The following HECW1 variants were observed in gnomAD, a reference collection of about 807,000 sequenced individuals.
HECW1 encodes E3 ubiquitin-protein ligase HECW1.
A neutral mutation model predicts 182.3 loss-of-function variants in HECW1; 61 were observed. That is an observed-to-expected ratio of 0.33 (90% CI 0.27 to 0.41). The LOEUF (loss-of-function observed/expected upper bound fraction) is 0.41. Ranked by LOEUF, HECW1 falls within the 10% of genes least tolerant of loss-of-function variation. The pLI is 1.00. For synonymous variants in HECW1, 859 were observed against 832.6 expected (o/e 1.03, Z -0.55); for missense variants, 1,739 against 2,108.9 (o/e 0.82, Z 3.44).
At chr7:43,153,614 G>A (rs1001716229) in intron 2 of HECW1, among the ~76,000 whole-genome samples, 7 of 152,214 alleles carry the variant, frequency 4.6e-5, no homozygotes, top group African/African-American at 1.7e-4. Flanking sequence ...AGACTTTGAA[G>A]AGGCTTTGAA....
At chr7:43,376,110 AC>A (rs1384038909) in intron 6 of HECW1, among the ~76,000 whole-genome samples, 3 of 151,172 alleles carry the variant, frequency 2.0e-5, no homozygotes, top group African/African-American at 7.3e-5. Context: ...AACCCAATAA[AC>A]CAAACATATA....
chr7:43,219,642 AACAG>A (rs1796776738), intron 2 of HECW1, among the ~76,000 whole-genome samples: 1 of 150,800 alleles, frequency 6.6e-6, no homozygotes. Context: ...ATTAGAATAG[AACAG>A]AACAGAACAG....
At position 43,444,711 on chromosome 7, in the gene HECW1, T is replaced by C. The variant is rs73098706; in HGVS notation, c.1539T>C (p.Ser513=). 0.38 allele frequency: 608,645 copies of C among 1,608,696 alleles called. 117,712 individuals are homozygous for C. The highest frequency in any genetic ancestry group is 0.44 in the South Asian group (39,460 of 90,606). ...AGCAGGAGGAGGAGGGAGATGTGTC[T>C]ACCCTGGAGCAGGGAGAGGGCAGGC... ...EKEQEEEGDV[S]TLEQGEGRLQ... is the part of the protein sequence containing the mutation. Residue 513 remains serine (S), a synonymous_variant, in exon 11 of 30, where the codon TCT becomes TCC. Transcript: ENST00000395891. This position sits in a 1 kb window ranked among gnomAD's most constrained non-coding sequence, Gnocchi z 4.3.
chr7:43,456,393 C>T lies in HECW1; in HGVS notation c.2597C>T (p.Pro866Leu), dbSNP rs201757499. The change falls in exon 13 of 30, where the codon CCG (proline) becomes CTG (leucine). Residue 866 changes from proline to leucine, a missense_variant. Physicochemically the swap from Pro to Leu is moderately conservative, Grantham distance 98. Around this residue, in one of 5 missense-constraint regions of HECW1, gnomAD observed 971 missense variants for 1,029.1 expected, o/e 0.94. Transcript: ENST00000395891. ...TWQRPTAAAT[P>L]DGMRRSGSIQ... ...CAGCGTCCGACGGCAGCAGCCACCC[C>T]GGATGGCATGCGGAGATCGGGGTCC... The T allele has an allele frequency of 1.6e-3, 2,512 of 1,614,102 alleles. 6 individuals carry two copies. Among genetic ancestry groups the T allele is most frequent in the East Asian group, 3.8e-3 (170 of 44,886 alleles).
intron 5 of HECW1, among the ~76,000 whole-genome samples, chr7:43,341,466 C>T (rs1247889617): frequency 6.6e-6 from 1 of 151,664 alleles, no homozygotes; most frequent in African/African-American, 2.4e-5. Context: ...AAGTAATATA[C>T]AGTTACTCAT....
chr7:43,445,685 C>T, intron 11 of HECW1, 115 bp downstream of exon 11: 1 of 1,256,928 alleles, frequency 8.0e-7, no homozygotes, highest in Non-Finnish European at 1.1e-6. Flanking sequence ...GTTGCTGGGG[C>T]AATGTATGCC....
chr7:43,248,383 C>T (rs1584166127), intron 3 of HECW1, among the ~76,000 whole-genome samples: 1 of 152,092 alleles, frequency 6.6e-6, no homozygotes, highest in African/African-American at 2.4e-5. Flanking sequence ...CCTGAGGTTC[C>T]CTACACCATA....
intron 24 of HECW1, among the ~76,000 whole-genome samples, chr7:43,520,870 T>A (rs1421740908): frequency 2.0e-5 from 3 of 152,138 alleles, no homozygotes; most frequent in Admixed American, 2.0e-4. Context: ...CTTCCATCCC[T>A]CCCTGGCCAC....
intron 6 of HECW1, among the ~76,000 whole-genome samples, chr7:43,383,460 T>A (rs1006313204): frequency 4.6e-5 from 7 of 152,254 alleles, no homozygotes; most frequent in African/African-American, 1.7e-4. Context: ...TCCTGACTTT[T>A]TAATAATTGC....
At position 43,511,744 on chromosome 7, in the gene HECW1, G is replaced by A. The variant is rs144675837; in HGVS notation, c.4019+2623G>A. 427 of 173,190 alleles carry A rather than the reference G, an allele frequency of 2.5e-3. 1 individual carries two copies. The highest frequency in any genetic ancestry group is 9.8e-3 in the African/African-American group (415 of 42,224). 10.7% of individuals were successfully genotyped at this position (173,190 alleles called of 1,614,324 possible). A position where few individuals can be genotyped will look rare whatever the true frequency, so the allele number is the denominator to read the frequency against. ...ATTTTCTTGTGCCATGTGGCAAATA[G>A]TTTAACAAACAAAACATGCAGGTTT... On this transcript the variant is annotated intron_variant, in intron 24 of 29. Transcript: ENST00000395891.
At chr7:43,460,538 G>A (rs764137357) in intron 13 of HECW1, among the ~76,000 whole-genome samples, 3 of 151,764 alleles carry the variant, frequency 2.0e-5, no homozygotes, top group Non-Finnish European at 2.9e-5. Flanking sequence ...GTGTGCGCGC[G>A]TGCGTGTGTG....
At chr7:43,446,051 T>C (rs1019556023) in intron 11 of HECW1, among the ~76,000 whole-genome samples, 1 of 152,292 alleles carries the variant, frequency 6.6e-6, no homozygotes, top group Non-Finnish European at 1.5e-5. Flanking sequence ...ACCTCTGTTT[T>C]AGAATTCAAC....
At chr7:43,321,640 A>T (rs1040310929) in intron 5 of HECW1, among the ~76,000 whole-genome samples, 2 of 152,216 alleles carry the variant, frequency 1.3e-5, no homozygotes, top group African/African-American at 4.8e-5. Context: ...GTCAGAAAGG[A>T]AATGGAGTGA....
intron 2 of HECW1, among the ~76,000 whole-genome samples, chr7:43,193,721 C>T (rs1794164966): frequency 6.6e-6 from 1 of 152,100 alleles, no homozygotes; most frequent in African/African-American, 2.4e-5. Context: ...CTGCCTTTCC[C>T]TGCCACTGGC....
At chr7:43,559,959 A>G (rs1282005349) in intron 29 of HECW1, among the ~76,000 whole-genome samples, 1 of 152,240 alleles carries the variant, frequency 6.6e-6, no homozygotes, top group Non-Finnish European at 1.5e-5. Context: ...ACTCCCAGAA[A>G]TGATCTTTTA....
At chr7:43,399,157 C>A (rs1490106882) in intron 7 of HECW1, among the ~76,000 whole-genome samples, 2 of 152,180 alleles carry the variant, frequency 1.3e-5, no homozygotes, top group Non-Finnish European at 2.9e-5. Flanking sequence ...AGTCTAGTCT[C>A]CAGGCAAGAA....
At chr7:43,492,511 G>C (rs1314536200) in intron 18 of HECW1, among the ~76,000 whole-genome samples, 2 of 152,116 alleles carry the variant, frequency 1.3e-5, no homozygotes, top group Non-Finnish European at 2.9e-5. Flanking sequence ...GAATTTTACT[G>C]TTTTTAGACA....
intron 6 of HECW1, among the ~76,000 whole-genome samples, chr7:43,364,949 C>T (rs1030332429): frequency 6.6e-6 from 1 of 152,186 alleles, no homozygotes; most frequent in Admixed American, 6.5e-5. Context: ...TCTGATTATA[C>T]ATCAAAAAAC....
intron 3 of HECW1, among the ~76,000 whole-genome samples, chr7:43,253,375 G>A (rs1562738684): frequency 6.6e-6 from 1 of 152,146 alleles, no homozygotes; most frequent in African/African-American, 2.4e-5. Context: ...TGGTGATGGC[G>A]AGGATGCAGG....
Sources: gnomAD v4.1 joint callset for allele counts (sites outside exome capture counted in the v4.1 genomes callset) on GRCh38, gnomAD v4.1.1 for gene constraint, gnomAD v4.1.1 regional missense constraint, Gnocchi (gnomAD v3.1) non-coding constraint, MANE v1.5 for transcripts, NCBI Gene and HGNC (gene_info 2026-07-23, HGNC 2026-07-21) for gene names.